Variants in ZMYND11 observed in about 807,000 individuals in gnomAD.
ZMYND11 encodes zinc finger MYND-type containing 11.
ZMYND11 carries 9 observed loss-of-function variants against 84.9 expected under a neutral mutation model. The observed-to-expected ratio is 0.11, with a 90% CI of 0.06 to 0.18. ZMYND11 has a LOEUF of 0.18. Among genes scored for constraint, ZMYND11 ranks in the 10% least tolerant of loss-of-function variants. The pLI is 1.00. For synonymous variants in ZMYND11, 250 were observed against 244.1 expected (o/e 1.02, Z -0.23); for missense variants, 409 against 761.0 (o/e 0.54, Z 5.44).
chr10:214,046 G>C (rs1945741795), intron 3 of ZMYND11, among the ~76,000 whole-genome samples: 1 of 152,012 alleles, frequency 6.6e-6, no homozygotes, highest in African/African-American at 2.4e-5. Context: ...GTGACCGCAT[G>C]GTGCTGAGAT....
chr10:211,243 GA>G lies in ZMYND11; in HGVS notation c.276+1205del, dbSNP rs529366320. Among the ~76,000 whole-genome samples, 109 of 145,538 alleles carry G rather than the reference GA, an allele frequency of 7.5e-4. 1 individual carries two copies. The South Asian group carries it at 8.6e-3, about 11-fold the overall frequency. The stretch of plus-strand genomic sequence containing the variant: ...TCTATAGATATCTTTTTCTTAAAAA[GA>G]AAAAAAAAATCTATCTATAGATATA... On this transcript the variant is annotated intron_variant, in intron 3 of 14. Transcript: ENST00000381604.
intron 14 of ZMYND11, among the ~76,000 whole-genome samples, chr10:251,792 G>C (rs188742227): frequency 1.3e-5 from 2 of 152,298 alleles, no homozygotes; most frequent in African/African-American, 2.4e-5. Flanking sequence ...CCAGGCCTCT[G>C]TCTGCCAGTA....
chr10:184,217 G>A (rs1013553978), intron 2 of ZMYND11, among the ~76,000 whole-genome samples: 1 of 151,952 alleles, frequency 6.6e-6, no homozygotes, highest in Non-Finnish European at 1.5e-5. Context: ...GTTATTTTAT[G>A]CAACATTAAA....
intron 3 of ZMYND11, among the ~76,000 whole-genome samples, chr10:219,580 A>C (rs1476129): frequency 0.93 from 141,325 of 152,194 alleles, 65,972 homozygotes; most frequent in Non-Finnish European, 0.98. Context: ...AGCTAAAATG[A>C]AGCTTACATA....
intron 2 of ZMYND11, among the ~76,000 whole-genome samples, chr10:186,095 C>T (rs1204889893): frequency 2.6e-5 from 4 of 151,338 alleles, no homozygotes; most frequent in East Asian, 2.0e-4. Context: ...CTGCAAGCTC[C>T]GCCTCCCGGG....
chr10:247,359 A>G lies in ZMYND11; in HGVS notation c.1159-39A>G, dbSNP rs1952363286. On this transcript the variant is annotated intron_variant, in intron 11 of 14. Transcript: ENST00000381604. Reference sequence around the variant, plus strand: ...TGTTTTCAGCAGAGAAGTATTTTCTAGTGTCTGGAATAATATATTACTTTT... The same window carrying G: ...TGTTTTCAGCAGAGAAGTATTTTCTGGTGTCTGGAATAATATATTACTTTT... 11 of 1,605,708 alleles carry G rather than the reference A, an allele frequency of 6.9e-6. No individual in the cohort carries two copies. The East Asian group carries it at 1.1e-4, about 16-fold the overall frequency.
At chr10:203,969 C>T (rs190283643) in intron 2 of ZMYND11, among the ~76,000 whole-genome samples, 7 of 152,202 alleles carry the variant, frequency 4.6e-5, no homozygotes, top group African/African-American at 1.4e-4. Flanking sequence ...GTGTAATAAT[C>T]CTTGGTACAG....
At chr10:221,745 G>T (rs1947173419) in intron 4 of ZMYND11, among the ~76,000 whole-genome samples, 1 of 151,988 alleles carries the variant, frequency 6.6e-6, no homozygotes, top group African/African-American at 2.4e-5. Context: ...ATTGTTGGGG[G>T]CATTCTGTAT....
intron 1 of ZMYND11, among the ~76,000 whole-genome samples, chr10:153,188 A>C (rs1179310125): frequency 1.3e-5 from 2 of 152,242 alleles, no homozygotes; most frequent in Non-Finnish European, 2.9e-5. Flanking sequence ...TTTATCAGAT[A>C]TGAAGTCTAC....
At chr10:194,631 C>G (rs1029836232) in intron 2 of ZMYND11, among the ~76,000 whole-genome samples, 1 of 152,166 alleles carries the variant, frequency 6.6e-6, no homozygotes, top group Non-Finnish European at 1.5e-5. Flanking sequence ...TTTATACTAG[C>G]ATCTCATGGT....
rs1429744062 is a variant in ZMYND11, at chr10:230,392, G to C, written c.439-6446G>C. Among the ~76,000 whole-genome samples the C allele has an allele frequency of 7.5e-5, 11 of 147,598 alleles. No homozygotes were observed. The Admixed American group carries it at 7.7e-4, about 10-fold the overall frequency. On this transcript the variant is annotated intron_variant, in intron 4 of 14. Transcript: ENST00000381604. ...GGAGGCTGAGGCAGAAAGATTGCTT[G>C]AACCCTGGATGCGGAGGTTGTAGTG...
intron 3 of ZMYND11, among the ~76,000 whole-genome samples, chr10:212,113 G>A (rs989414526): frequency 2.6e-5 from 4 of 152,020 alleles, no homozygotes; most frequent in Admixed American, 6.6e-5. Context: ...TCATAAAAGC[G>A]ATTTTATTTC....
chr10:137,684 A>G (rs957565806), intron 1 of ZMYND11, among the ~76,000 whole-genome samples: 1 of 152,112 alleles, frequency 6.6e-6, no homozygotes, highest in Admixed American at 6.5e-5. Flanking sequence ...GTCTTTTTAC[A>G]AGCAGGAGAA....
At chr10:222,923 G>T (rs1202315644) in intron 4 of ZMYND11, among the ~76,000 whole-genome samples, 1 of 152,158 alleles carries the variant, frequency 6.6e-6, no homozygotes, top group Non-Finnish European at 1.5e-5. Context: ...ATTTCTTATG[G>T]TAAGAATGGG....
chr10:250,735 G>A (rs1021668035), intron 14 of ZMYND11, among the ~76,000 whole-genome samples: 5 of 152,280 alleles, frequency 3.3e-5, no homozygotes, highest in Middle Eastern at 3.4e-3. Flanking sequence ...TCTAGTAAAA[G>A]GGTTAGAATT....
chr10:218,900 G>GCCTGTAT (rs1946647667), intron 3 of ZMYND11, among the ~76,000 whole-genome samples: 2 of 152,134 alleles, frequency 1.3e-5, no homozygotes, highest in African/African-American at 4.8e-5. Flanking sequence ...TCATCCCTCA[G>GCCTGTAT]GAAAATGTTT....
At chr10:217,863 T>A (rs778815906) in intron 3 of ZMYND11, among the ~76,000 whole-genome samples, 1 of 152,196 alleles carries the variant, frequency 6.6e-6, no homozygotes, top group Non-Finnish European at 1.5e-5. Flanking sequence ...GGGCCAGGAT[T>A]TGAATCAATC....
intron 1 of ZMYND11, among the ~76,000 whole-genome samples, chr10:139,551 A>G (rs1415854573): frequency 6.6e-6 from 1 of 152,128 alleles, no homozygotes; most frequent in Non-Finnish European, 1.5e-5. Context: ...GTCTTCTCTT[A>G]GTCTCCACTT....
chr10:161,329 T>C (rs1230159408), intron 1 of ZMYND11, among the ~76,000 whole-genome samples: 1 of 152,212 alleles, frequency 6.6e-6, no homozygotes, highest in Non-Finnish European at 1.5e-5. Flanking sequence ...ACCATTCTGT[T>C]AACAGACATG....
Sources: allele counts gnomAD v4.1 joint callset (sites outside exome capture counted in the v4.1 genomes callset), GRCh38; gene constraint gnomAD v4.1.1; transcripts MANE v1.5; gene names NCBI Gene and HGNC (gene_info 2026-07-23, HGNC 2026-07-21).